The following TSHR variants were observed in gnomAD, a reference collection of about 807,000 sequenced individuals.
TSHR encodes thyrotropin receptor.
Under a neutral mutation model 64.1 loss-of-function variants are expected in TSHR, and 51 were observed. The ratio of observed to expected loss-of-function variants is 0.80; its 90% CI spans 0.64 to 1.01. TSHR has a LOEUF of 1.01. Ranked by LOEUF, TSHR falls within the 50% of genes least tolerant of loss-of-function variation. The pLI, the probability that TSHR is intolerant of heterozygous loss-of-function variation, is 0.00. For synonymous variants in TSHR, 361 were observed against 361.9 expected, an observed-to-expected ratio of 1.00 and a Z score of 0.03; for missense variants, 877 against 942.8, an observed-to-expected ratio of 0.93 and a Z score of 0.91.
chr14:80,969,216 G>A (rs1032592983), intron 1 of TSHR, among the ~76,000 whole-genome samples: 11 of 152,124 alleles, frequency 7.2e-5, no homozygotes, highest in South Asian at 2.1e-4. Context: ...CACCATTCTC[G>A]TAGGCAGTCT....
At chr14:81,061,772 G>A (rs1886260559) in intron 1 of TSHR, among the ~76,000 whole-genome samples, 1 of 151,976 alleles carries the variant, frequency 6.6e-6, no homozygotes, top group Admixed American at 6.6e-5. Context: ...ATCTGCACAT[G>A]TACCCCCAAA....
chr14:81,124,197 C>G (rs768938199), intron 8 of TSHR, among the ~76,000 whole-genome samples: 4 of 151,812 alleles, frequency 2.6e-5, no homozygotes, highest in Non-Finnish European at 4.4e-5. Context: ...ATGGCACTGT[C>G]ATATTTCTTT....
intron 1 of TSHR, among the ~76,000 whole-genome samples, chr14:81,061,170 G>T (rs1259669199): frequency 6.6e-6 from 1 of 152,108 alleles, no homozygotes; most frequent in East Asian, 1.9e-4. Context: ...GTGCAAGAAG[G>T]TAGTAACCAT....
intron 1 of TSHR, among the ~76,000 whole-genome samples, chr14:80,969,975 A>T (rs561344699): frequency 6.6e-6 from 1 of 152,294 alleles, no homozygotes; most frequent in South Asian, 2.1e-4. Context: ...TTCTCCCTTC[A>T]TACAAAAAGA....
intron 1 of TSHR, among the ~76,000 whole-genome samples, chr14:80,996,543 G>C (rs980149735): frequency 6.6e-6 from 1 of 152,152 alleles, no homozygotes; most frequent in Non-Finnish European, 1.5e-5. Flanking sequence ...AGTGTACAGG[G>C]AGTCTAGTTA....
intron 8 of TSHR, among the ~76,000 whole-genome samples, chr14:81,123,034 C>T (rs968972147): frequency 1.3e-5 from 2 of 151,494 alleles, no homozygotes; most frequent in South Asian, 2.1e-4. Flanking sequence ...GGTTGAGGCA[C>T]GAGAATCGCT....
intron 7 of TSHR, chr14:81,104,288 G>A (rs1482166532): frequency 2.0e-6 from 2 of 985,304 alleles, no homozygotes; most frequent in Non-Finnish European, 2.4e-6. Flanking sequence ...TAGCAACGCT[G>A]TGGGAGGAAA....
intron 1 of TSHR, among the ~76,000 whole-genome samples, chr14:80,978,128 CACAT>C (rs1252820296): frequency 6.7e-6 from 1 of 149,350 alleles, no homozygotes; most frequent in Non-Finnish European, 1.5e-5. Context: ...CACACACACA[CACAT>C]GCATGTGCAC....
chr14:81,110,934 C>T (rs1890197963), intron 8 of TSHR, among the ~76,000 whole-genome samples: 1 of 152,048 alleles, frequency 6.6e-6, no homozygotes, highest in South Asian at 2.1e-4. Context: ...GATAACATTG[C>T]TTTTGCTTTT....
chr14:81,010,153 T>C (rs762915821), intron 1 of TSHR, among the ~76,000 whole-genome samples: 3 of 152,176 alleles, frequency 2.0e-5, no homozygotes, highest in Non-Finnish European at 4.4e-5. Context: ...CTTCTTTTTC[T>C]GTAAATTATT....
intron 1 of TSHR, among the ~76,000 whole-genome samples, chr14:81,056,839 A>G (rs1446591292): frequency 4.6e-5 from 7 of 152,226 alleles, no homozygotes; most frequent in Admixed American, 4.6e-4. Context: ...CATTGTAGAC[A>G]TCATATCACC....
intron 1 of TSHR, among the ~76,000 whole-genome samples, chr14:80,966,001 C>CT (rs1310940051): frequency 6.6e-6 from 1 of 152,188 alleles, no homozygotes; most frequent in Non-Finnish European, 1.5e-5. Flanking sequence ...CTGGAAAGAG[C>CT]TTCCTTATGT....
intron 3 of TSHR, among the ~76,000 whole-genome samples, chr14:81,085,896 G>T: frequency 6.6e-6 from 1 of 152,318 alleles, no homozygotes; most frequent in East Asian, 1.9e-4. Context: ...CTCTAGAGGG[G>T]CAAGGTGGGA....
At position 81,103,215 on chromosome 14, in the gene TSHR, A is replaced by T. The variant is rs1889693724; in HGVS notation, c.615-5160A>T. ...ATAGTATTCACATTGTGTTTTTAAC[A>T]TAGGGATGTTGCTTTTGGTGTCAAT... On this transcript the variant is annotated intron_variant, in intron 7 of 9. Coordinates refer to ENST00000298171, the MANE Select transcript of TSHR (RefSeq NM_000369.5). The surrounding 1 kb of genome is among the most constrained non-coding windows in gnomAD (Gnocchi z 4.1). 1 of 985,350 alleles carries T rather than the reference A, an allele frequency of 1.0e-6. No individual in the cohort carries two copies. 61.0% of individuals were successfully genotyped at this position (985,350 alleles called of 1,614,324 possible).
intron 2 of TSHR, among the ~76,000 whole-genome samples, chr14:81,065,222 G>A (rs928978591): frequency 3.9e-5 from 6 of 152,190 alleles, no homozygotes; most frequent in African/African-American, 1.2e-4. Context: ...CTCCACCCCA[G>A]TACACACTTC....
intron 7 of TSHR, among the ~76,000 whole-genome samples, chr14:81,101,654 G>A (rs1202016103): frequency 6.6e-6 from 1 of 152,132 alleles, no homozygotes; most frequent in Admixed American, 6.5e-5. Flanking sequence ...CACAAGGTGG[G>A]AGCCAACCCT....
At chr14:81,037,118 G>C (rs1884664773) in intron 1 of TSHR, among the ~76,000 whole-genome samples, 1 of 151,216 alleles carries the variant, frequency 6.6e-6, no homozygotes, top group African/African-American at 2.4e-5. Context: ...CTCTAGCCCA[G>C]GCAACAAAGC....
intron 1 of TSHR, chr14:80,992,983 T>C (rs1888819655): frequency 6.6e-6 from 1 of 152,202 alleles, no homozygotes; most frequent in South Asian, 2.1e-4. Flanking sequence ...ATTGATAAAC[T>C]AGAGTAAATT....
chr14:81,008,550 T>C (rs1889729306), intron 1 of TSHR, among the ~76,000 whole-genome samples: 1 of 152,232 alleles, frequency 6.6e-6, no homozygotes, highest in African/African-American at 2.4e-5. Flanking sequence ...GTAGTTTACA[T>C]TTCTTATTCT....
Sources: gnomAD v4.1 joint callset for allele counts (sites outside exome capture counted in the v4.1 genomes callset) on GRCh38, gnomAD v4.1.1 for gene constraint, Gnocchi (gnomAD v3.1) non-coding constraint, MANE v1.5 for transcripts, NCBI Gene and HGNC (gene_info 2026-07-23, HGNC 2026-07-21) for gene names.